RAB11FIP5: variants seen among roughly 807,000 people sequenced by gnomAD.
RAB11FIP5 encodes rab11 family-interacting protein 5.
Under a neutral mutation model 85.1 loss-of-function variants are expected in RAB11FIP5, and 48 were observed. That is an observed-to-expected ratio of 0.56 (90% confidence interval 0.45 to 0.72). RAB11FIP5 has a LOEUF of 0.72. RAB11FIP5 is among the 30% of genes least tolerant of loss of function. The pLI is 0.00. For missense variants in RAB11FIP5, 1,491 were observed against 1,687.0 expected (o/e 0.88, Z 2.04); for synonymous variants, 729 against 727.3 (o/e 1.00, Z -0.04).
At chr2:73,087,645 G>A (rs1263488867) in intron 3 of RAB11FIP5, among the ~76,000 whole-genome samples, 1 of 152,196 alleles carries the variant, frequency 6.6e-6, no homozygotes, top group Non-Finnish European at 1.5e-5. Flanking sequence ...GGAAGTCTGA[G>A]AGTGCGGTCT....
In RAB11FIP5 at chr2:73,075,505, G is replaced by A. The variant is rs1204837610; in HGVS notation, c.*16C>T. The stretch of plus-strand genomic sequence containing the variant: ...ATAGGTCCATGCCAACCCTCCTGGG[G>A]GTAGGGTGAGGAAGGCTATTTGGGG... On this transcript the variant is annotated 3_prime_UTR_variant, in exon 6 of 6. Coordinates refer to ENST00000486777, the MANE Select transcript of RAB11FIP5 (RefSeq NM_001371272.1). The surrounding 1 kb of genome is among the most constrained non-coding windows in gnomAD (Gnocchi z 4.6). The A allele has an allele frequency of 6.2e-7, 1 of 1,609,804 alleles. No homozygotes were observed. Among genetic ancestry groups the A allele is most frequent in the African/African-American group, 1.3e-5 (1 of 74,844 alleles).
rs903379256 is a variant in RAB11FIP5 at position 73,080,396 on chromosome 2, G to A, written c.2836C>T (p.Pro946Ser). Residue 946 changes from proline to serine, a missense_variant, in exon 4 of 6, where the codon CCC becomes TCC. Transcript: ENST00000486777. ...TCTCCCTCCTCCTTGGTCTCCGGGG[G>A]ACCGACAACCAGTGCACTTGGGGAG... ...DASPSALVVG[P>S]PETKEEGEKR... 3.5e-5 allele frequency: 43 copies of A among 1,233,036 alleles called. No homozygotes were observed. In the East Asian group the frequency reaches 1.2e-3, roughly 35 times the overall value. The allele number at this position is 1,233,036 out of a possible 1,614,324, so 76.4% of individuals were successfully genotyped here.
At chr2:73,105,803 G>A (rs933819326) in intron 1 of RAB11FIP5, among the ~76,000 whole-genome samples, 1 of 152,082 alleles carries the variant, frequency 6.6e-6, no homozygotes, top group African/African-American at 2.4e-5. Flanking sequence ...CAGGGTCATG[G>A]AAGACATGGG....
Position 73,079,763 on chromosome 2 carries a change from C to G in RAB11FIP5, c.3469G>C (p.Gly1157Arg). Residue 1157 changes from glycine to arginine, a missense_variant, in exon 4 of 6, where the codon GGG becomes CGG. This residue lies in a region of RAB11FIP5 where 232 missense variants were observed against 259.1 expected (regional missense o/e 0.90). Transcript: ENST00000486777. ...LPGPHEPSPPGGSPALLREDL... is the reference protein window; with the variant it reads ...LPGPHEPSPPRGSPALLREDL... Reference sequence around the variant, plus strand: ...TCCCTAAGTAGGGCAGGGGAGCCCCCAGGTGGGGAGGGCTCATGGGGGCCA... The same window carrying G: ...TCCCTAAGTAGGGCAGGGGAGCCCCGAGGTGGGGAGGGCTCATGGGGGCCA... 8.1e-7 allele frequency: 1 copy of G among 1,232,526 alleles called. No individual in the cohort carries two copies. The highest frequency in any genetic ancestry group is 1.0e-6 in the Non-Finnish European group (1 of 988,266). The allele number at this position is 1,232,526 out of a possible 1,614,324, so 76.3% of individuals were successfully genotyped here.
intron 2 of RAB11FIP5, 45 bp downstream of exon 2, chr2:73,088,834 A>G: frequency 1.3e-6 from 2 of 1,535,538 alleles, no homozygotes; most frequent in Non-Finnish European, 1.7e-6. Context: ...CCAAGGGGAG[A>G]GCCAGTGCCC....
chr2:73,082,350 G>A (rs1684001414), intron 3 of RAB11FIP5, among the ~76,000 whole-genome samples: 2 of 152,136 alleles, frequency 1.3e-5, no homozygotes, highest in South Asian at 4.1e-4. Context: ...CTGGCATGGG[G>A]GGATAAAGAG....
intron 1 of RAB11FIP5, 97 bp downstream of exon 1, chr2:73,112,250 G>A: frequency 3.1e-6 from 4 of 1,308,182 alleles, no homozygotes; most frequent in Non-Finnish European, 4.0e-6. Flanking sequence ...CGAGGCAAGG[G>A]CTCACTGGCC....
rs772098840 is a variant in RAB11FIP5, at chr2:73,088,168, C to T, written c.1450G>A (p.Gly484Arg). 2 of 1,614,068 alleles carry T rather than the reference C, an allele frequency of 1.2e-6. No homozygotes were observed. The highest frequency in any genetic ancestry group is 3.3e-5 in the Admixed American group (2 of 60,024). The change falls in exon 3 of 6, where the codon GGG becomes AGG. Residue 484 changes from glycine (G) to arginine (R), a missense_variant. Physicochemically the swap from Gly to Arg is moderately radical, Grantham distance 125. Around this residue, in one of 3 missense-constraint regions of RAB11FIP5, gnomAD observed 1,211 missense variants for 1,338.0 expected, o/e 0.91. Coordinates refer to ENST00000486777, the MANE Select transcript of RAB11FIP5 (RefSeq NM_001371272.1). ...RSELGRRSSL[G>R]EKGGPILGAS... ...CCCAGGATGGGACCCCCCTTTTCCCCCAGAGAGCTTCGGCGACCCAACTCG... is the reference window on the plus strand; with the variant it reads ...CCCAGGATGGGACCCCCCTTTTCCCTCAGAGAGCTTCGGCGACCCAACTCG...
chr2:73,108,803 G>A (rs919999240), intron 1 of RAB11FIP5, among the ~76,000 whole-genome samples: 2 of 152,230 alleles, frequency 1.3e-5, no homozygotes, highest in African/African-American at 4.8e-5. Context: ...CAGCACTTTG[G>A]GAGGCCAAGA....
Position 73,076,039 on chromosome 2 carries a change from G to A in RAB11FIP5, c.3725C>T (p.Thr1242Ile), listed in dbSNP as rs773895529. Residue 1242 changes from threonine to isoleucine, a missense_variant, in exon 5 of 6, where the codon ACC becomes ATC. Thr to Ile is a moderately conservative substitution (Grantham distance 89). Coordinates refer to ENST00000486777, the MANE Select transcript of RAB11FIP5 (RefSeq NM_001371272.1). ...CATCTGGCCAGCCTGGGGGGCCTGG[G>A]TCACAGGCTGAATGCTCCCAGATGT... ...TVTSGSIQPV[T>I]QAPQAGQMVD... The A allele has an allele frequency of 5.0e-6, 8 of 1,614,006 alleles. No homozygotes were observed. The African/African-American group carries it at 5.3e-5, about 11-fold the overall frequency.
chr2:73,085,316 T>A (rs181639745), intron 3 of RAB11FIP5, among the ~76,000 whole-genome samples: 146 of 152,324 alleles, frequency 9.6e-4, no homozygotes, highest in African/African-American at 3.3e-3. Flanking sequence ...ACCACACTTA[T>A]TCCCAACTTT....
intron 1 of RAB11FIP5, among the ~76,000 whole-genome samples, chr2:73,103,404 G>A (rs1483741368): frequency 6.6e-6 from 1 of 152,100 alleles, no homozygotes; most frequent in East Asian, 1.9e-4. Context: ...GGCTCCAAAG[G>A]TCTGTCACTG....
chr2:73,094,785 G>A (rs996037736), intron 1 of RAB11FIP5, among the ~76,000 whole-genome samples: 6 of 152,170 alleles, frequency 3.9e-5, no homozygotes, highest in East Asian at 1.9e-4. Context: ...CCGAGGACAC[G>A]CTGCTTCTGA....
intron 3 of RAB11FIP5, among the ~76,000 whole-genome samples, chr2:73,082,753 G>A (rs1684011294): frequency 1.3e-5 from 2 of 152,184 alleles, no homozygotes; most frequent in African/African-American, 4.8e-5. Flanking sequence ...TCCAGGACAG[G>A]GTCCTTTCTG....
At chr2:73,083,223 C>T (rs928463112) in intron 3 of RAB11FIP5, among the ~76,000 whole-genome samples, 1 of 152,188 alleles carries the variant, frequency 6.6e-6, no homozygotes, top group Non-Finnish European at 1.5e-5. Context: ...GGAGCTTGCC[C>T]GGATTCTCCC....
chr2:73,084,950 AT>A (rs1202186088), intron 3 of RAB11FIP5, among the ~76,000 whole-genome samples: 1 of 152,206 alleles, frequency 6.6e-6, no homozygotes, highest in Non-Finnish European at 1.5e-5. Flanking sequence ...AGACGGGTAC[AT>A]CCTCTCCCAT....
chr2:73,096,519 A>C (rs1684323048), intron 1 of RAB11FIP5, among the ~76,000 whole-genome samples: 1 of 152,104 alleles, frequency 6.6e-6, no homozygotes, highest in South Asian at 2.1e-4. Flanking sequence ...CCCCTTTCTG[A>C]GCCCCCACTC....
intron 1 of RAB11FIP5, among the ~76,000 whole-genome samples, chr2:73,103,750 C>T (rs1684473001): frequency 6.6e-6 from 1 of 152,156 alleles, no homozygotes; most frequent in Non-Finnish European, 1.5e-5. Flanking sequence ...CTTTTACAGG[C>T]CATCATCAGC....
In RAB11FIP5 at chr2:73,090,332, G is replaced by A. The variant is rs1415979524; in HGVS notation, c.432-1017C>T. On this transcript the variant is annotated intron_variant, in intron 1 of 5. Transcript: ENST00000486777. Reference sequence around the variant, plus strand: ...ACTGGGGAGAGATGTTCTTATGCAGGGGTTGGCAGTTTCTTAGAGAACTAA... The same window carrying A: ...ACTGGGGAGAGATGTTCTTATGCAGAGGTTGGCAGTTTCTTAGAGAACTAA... 2.6e-5 allele frequency among the ~76,000 whole-genome samples: 4 copies of A among 152,178 alleles called. No homozygotes were observed. The East Asian group carries it at 7.7e-4, about 29-fold the overall frequency.
Sources: gnomAD v4.1 joint callset for allele counts (sites outside exome capture counted in the v4.1 genomes callset) on GRCh38, gnomAD v4.1.1 for gene constraint, gnomAD v4.1.1 regional missense constraint, Gnocchi (gnomAD v3.1) non-coding constraint, MANE v1.5 for transcripts, NCBI Gene and HGNC (gene_info 2026-07-23, HGNC 2026-07-21) for gene names.